The following ARHGAP15 variants were observed in gnomAD, a reference collection of about 807,000 sequenced individuals.
ARHGAP15 encodes the protein Rho GTPase activating protein 15, also known as rho GTPase-activating protein 15.
ARHGAP15 carries 51 observed loss-of-function variants against 63.7 expected under a neutral mutation model. The ratio of observed to expected loss-of-function variants is 0.80; its 90% CI spans 0.64 to 1.01. ARHGAP15 has a LOEUF of 1.01. Among genes scored for constraint, ARHGAP15 ranks in the 50% least tolerant of loss-of-function variants. The pLI, the probability that ARHGAP15 is intolerant of heterozygous loss-of-function variation, is 0.00. For synonymous variants in ARHGAP15, 191 were observed against 193.8 expected (o/e 0.99, Z 0.12); for missense variants, 560 against 564.6 (o/e 0.99, Z 0.08).
At position 143,591,674 on chromosome 2, in the gene ARHGAP15, G is replaced by A. The variant is rs555444866; in HGVS notation, c.1004-32459G>A. Among the ~76,000 whole-genome samples the A allele has an allele frequency of 1.2e-4, 18 of 148,544 alleles. No individual in the cohort carries two copies. The South Asian group carries it at 1.7e-3, about 14-fold the overall frequency. Reference sequence around the variant, plus strand: ...TTGCTCTTGTCCCCCAGGCTGGAGTGCAATGGCACGATCTCGGCTCACGCA... The same window carrying A: ...TTGCTCTTGTCCCCCAGGCTGGAGTACAATGGCACGATCTCGGCTCACGCA... On this transcript the variant is annotated intron_variant, in intron 11 of 13. Coordinates refer to ENST00000295095, the MANE Select transcript of ARHGAP15 (RefSeq NM_018460.4).
At chr2:143,439,443 A>AAAAAAAAAAAAAAAAAAAAAAC (rs1219773800) in intron 8 of ARHGAP15, among the ~76,000 whole-genome samples, 1 of 147,532 alleles carries the variant, frequency 6.8e-6, no homozygotes, top group Non-Finnish European at 1.5e-5. Context: ...AAAAAAAAAA[A>AAAAAAAAAAAAAAAAAAAAAAC]AAAAAGGGAA....
chr2:143,167,572 C>G (rs1302488031), intron 2 of ARHGAP15, among the ~76,000 whole-genome samples: 1 of 152,068 alleles, frequency 6.6e-6, no homozygotes, highest in Non-Finnish European at 1.5e-5. Flanking sequence ...TAACTCTGAG[C>G]CCCCTATCTC....
chr2:143,608,459 C>T (rs998831909), intron 11 of ARHGAP15: 3 of 152,142 alleles, frequency 2.0e-5, no homozygotes, highest in South Asian at 2.1e-4. Flanking sequence ...CAGGCCCACA[C>T]GTCTTTGTTG....
intron 6 of ARHGAP15, among the ~76,000 whole-genome samples, chr2:143,370,003 A>G (rs1686471727): frequency 3.9e-5 from 6 of 152,168 alleles, no homozygotes; most frequent in Admixed American, 3.9e-4. Context: ...TGCTGTCATA[A>G]GGTAGCAACA....
chr2:143,525,299 G>C (rs1293524608), intron 10 of ARHGAP15, among the ~76,000 whole-genome samples: 1 of 150,034 alleles, frequency 6.7e-6, no homozygotes, highest in Non-Finnish European at 1.5e-5. Context: ...AGTTTTATAA[G>C]CAGTGAGTAA....
At chr2:143,537,782 C>G (rs906474667) in intron 10 of ARHGAP15, among the ~76,000 whole-genome samples, 8 of 152,070 alleles carry the variant, frequency 5.3e-5, no homozygotes, top group Non-Finnish European at 7.4e-5. Context: ...GTTACTGTAG[C>G]CTTGTAGTGT....
chr2:143,431,532 G>A (rs964180064), intron 6 of ARHGAP15, among the ~76,000 whole-genome samples: 3 of 152,054 alleles, frequency 2.0e-5, no homozygotes, highest in Admixed American at 6.6e-5. Context: ...AAAGAATAAC[G>A]TATCATGACC....
rs557053541 is a variant in ARHGAP15, at chr2:143,655,145, T to C, written c.1138+30878T>C. 3.0e-4 allele frequency among the ~76,000 whole-genome samples: 45 copies of C among 152,246 alleles called. No homozygotes were observed. The South Asian group carries it at 3.3e-3, about 11-fold the overall frequency. On this transcript the variant is annotated intron_variant, in intron 12 of 13. Coordinates refer to ENST00000295095, the MANE Select transcript of ARHGAP15 (RefSeq NM_018460.4). ...TTCCCTGGGGCAGCATTTTTTCCCA[T>C]AAGTTATTGGGGTACAGGTGGTATT... is the stretch of plus-strand genomic sequence containing the variant.
intron 6 of ARHGAP15, among the ~76,000 whole-genome samples, chr2:143,427,802 G>T (rs1031404043): frequency 7.9e-5 from 12 of 152,070 alleles, no homozygotes; most frequent in African/African-American, 2.9e-4. Context: ...GTAGACGTCA[G>T]TATTACATTA....
chr2:143,465,928 CTA>C (rs1249094620), intron 8 of ARHGAP15, among the ~76,000 whole-genome samples: 30 of 152,168 alleles, frequency 2.0e-4, no homozygotes, highest in African/African-American at 6.8e-4. Flanking sequence ...GTTGGATACT[CTA>C]TGTCTCTGTT....
chr2:143,624,121 G>T lies in ARHGAP15; in HGVS notation c.1004-12G>T, dbSNP rs779386857. The stretch of plus-strand genomic sequence containing the variant: ...AAAACCAGTTGTTCCATTTCTCCTC[G>T]TGTTTTCCCAGAAGAGAAGCTGAAT... On this transcript the variant is annotated splice_polypyrimidine_tract_variant and intron_variant, in intron 11 of 13. Transcript: ENST00000295095. The T allele has an allele frequency of 4.3e-6, 7 of 1,611,604 alleles. No homozygotes were observed. The Admixed American group carries it at 5.0e-5, about 12-fold the overall frequency.
At chr2:143,743,936 T>C (rs12999020) in intron 13 of ARHGAP15, among the ~76,000 whole-genome samples, 29,948 of 151,768 alleles carry the variant, frequency 0.2, 3,803 homozygotes, top group Middle Eastern at 0.33. Flanking sequence ...ACAAAGGAAA[T>C]ATAAACAAAA....
intron 6 of ARHGAP15, among the ~76,000 whole-genome samples, chr2:143,314,197 CCTACATT>C (rs879482246): frequency 4.1e-4 from 62 of 152,264 alleles, no homozygotes; most frequent in Admixed American, 3.8e-3. Flanking sequence ...TCTGCCAGAG[CCTACATT>C]CTGCTAAGGA....
At chr2:143,643,877 G>A (rs1262601086) in intron 12 of ARHGAP15, among the ~76,000 whole-genome samples, 1 of 152,080 alleles carries the variant, frequency 6.6e-6, no homozygotes, top group African/African-American at 2.4e-5. Flanking sequence ...TTGAGAAGCT[G>A]TGTTGATGAG....
intron 12 of ARHGAP15, among the ~76,000 whole-genome samples, chr2:143,639,999 T>C (rs2105270499): frequency 6.6e-6 from 1 of 152,252 alleles, no homozygotes; most frequent in African/African-American, 2.4e-5. Flanking sequence ...GCTTGTATGT[T>C]TGTGACTCCT....
At chr2:143,160,629 A>T (rs999145781) in intron 2 of ARHGAP15, among the ~76,000 whole-genome samples, 7 of 152,008 alleles carry the variant, frequency 4.6e-5, no homozygotes, top group African/African-American at 1.7e-4. Context: ...ATAAGCATGA[A>T]ATTCGAAGGT....
rs550043362 is a variant in ARHGAP15, at chr2:143,525,503, G to T, written c.925+6139G>T. On this transcript the variant is annotated intron_variant, in intron 10 of 13. Coordinates refer to ENST00000295095, the MANE Select transcript of ARHGAP15 (RefSeq NM_018460.4). ...GTTTGCTTTTCATGCCTTATGTTAG[G>T]CATCTGCATGCATTTACAATGGAGG... Among the ~76,000 whole-genome samples the T allele has an allele frequency of 2.6e-5, 4 of 151,802 alleles. No individual in the cohort carries two copies. In the East Asian group the frequency reaches 5.8e-4, roughly 22 times the overall value.
chr2:143,350,512 C>T (rs1408909919), intron 6 of ARHGAP15, among the ~76,000 whole-genome samples: 1 of 151,634 alleles, frequency 6.6e-6, no homozygotes, highest in Non-Finnish European at 1.5e-5. Flanking sequence ...TTTATTTTTC[C>T]AATGTATGAA....
At chr2:143,502,576 T>C (rs1489768282) in intron 9 of ARHGAP15, among the ~76,000 whole-genome samples, 1 of 150,784 alleles carries the variant, frequency 6.6e-6, no homozygotes, top group Non-Finnish European at 1.5e-5. Flanking sequence ...CGTTTTGTTG[T>C]TGTTGTTGTT....
Sources: gnomAD v4.1 joint callset for allele counts (sites outside exome capture counted in the v4.1 genomes callset) on GRCh38, gnomAD v4.1.1 for gene constraint, MANE v1.5 for transcripts, NCBI Gene and HGNC (gene_info 2026-07-23, HGNC 2026-07-21) for gene names.